Variants in MED12L observed in about 807,000 individuals in gnomAD.
The protein encoded by MED12L is mediator complex subunit 12L, also known as mediator of RNA polymerase II transcription subunit 12-like protein.
A neutral mutation model predicts 281.3 loss-of-function variants in MED12L; 60 were observed. The ratio of observed to expected loss-of-function variants is 0.21; its 90% CI spans 0.17 to 0.26. MED12L has a LOEUF of 0.26. MED12L is among the 10% of genes least tolerant of loss of function. The pLI is 1.00. For missense variants in MED12L, 2,146 were observed against 2,680.9 expected, an observed-to-expected ratio of 0.80 and a Z score of 4.41; for synonymous variants, 974 against 987.2, an observed-to-expected ratio of 0.99 and a Z score of 0.25.
intron 16 of MED12L, among the ~76,000 whole-genome samples, chr3:151,310,552 G>A (rs1005044207): frequency 1.3e-5 from 2 of 152,166 alleles, no homozygotes; most frequent in Non-Finnish European, 2.9e-5. Flanking sequence ...GGCCAGCTAT[G>A]AATTTATCAA....
intron 5 of MED12L, among the ~76,000 whole-genome samples, chr3:151,135,025 T>C (rs1327767652): frequency 1.3e-5 from 2 of 151,828 alleles, no homozygotes; most frequent in African/African-American, 4.9e-5. Context: ...ACAGTACTTA[T>C]TTATTTATTT....
chr3:151,231,200 G>A (rs1731596708), intron 16 of MED12L, among the ~76,000 whole-genome samples: 1 of 152,208 alleles, frequency 6.6e-6, no homozygotes, highest in Non-Finnish European at 1.5e-5. Context: ...GGAGAATGCT[G>A]GCTAGTAAAG....
chr3:151,374,639 T>G (rs1268668057), intron 27 of MED12L, among the ~76,000 whole-genome samples: 1 of 152,214 alleles, frequency 6.6e-6, no homozygotes, highest in African/African-American at 2.4e-5. Flanking sequence ...TGTTTGCAAT[T>G]CCATTTTCTC....
chr3:151,189,910 C>G (rs1723747625), intron 13 of MED12L, among the ~76,000 whole-genome samples: 2 of 152,072 alleles, frequency 1.3e-5, no homozygotes, highest in African/African-American at 4.8e-5. Flanking sequence ...TCTTTTTATT[C>G]AGTTGTTCCT....
chr3:151,138,371 C>G (rs969237152), intron 5 of MED12L, among the ~76,000 whole-genome samples: 1 of 152,130 alleles, frequency 6.6e-6, no homozygotes, highest in Non-Finnish European at 1.5e-5. Flanking sequence ...TGCATTCTCT[C>G]ACCCTTGCAA....
chr3:151,410,159 A>G (rs576770301), intron 40 of MED12L, among the ~76,000 whole-genome samples: 29 of 152,282 alleles, frequency 1.9e-4, no homozygotes, highest in African/African-American at 6.0e-4. Context: ...AGGACAACCT[A>G]TGGAACAACC....
intron 16 of MED12L, chr3:151,199,181 A>G (rs1425513983): frequency 1.9e-6 from 3 of 1,614,052 alleles, no homozygotes; most frequent in Non-Finnish European, 2.5e-6. Flanking sequence ...AACAATTTTC[A>G]CTGGTAATGC....
chr3:151,427,333 C>T lies in MED12L; in HGVS notation c.6409-2966C>T, dbSNP rs73869065. 7.9e-3 allele frequency among the ~76,000 whole-genome samples: 1,205 copies of T among 152,148 alleles called. 17 individuals are homozygous for T. Among genetic ancestry groups the T allele is most frequent in the African/African-American group, 0.027 (1,130 of 41,498 alleles). On this transcript the variant is annotated intron_variant, in intron 43 of 44. Coordinates refer to ENST00000687756, the MANE Select transcript of MED12L (RefSeq NM_001393769.1). ...GTCTTGGGGACCTCTCCCAGGAATCCCTGGATCACAATTTGAGGCCCTCTG... is the reference window on the plus strand; with the variant it reads ...GTCTTGGGGACCTCTCCCAGGAATCTCTGGATCACAATTTGAGGCCCTCTG...
At chr3:151,252,592 C>T (rs1246047557) in intron 16 of MED12L, among the ~76,000 whole-genome samples, 1 of 152,044 alleles carries the variant, frequency 6.6e-6, no homozygotes, top group African/African-American at 2.4e-5. Context: ...TTTACTTATA[C>T]TTGTGTTTCG....
intron 16 of MED12L, among the ~76,000 whole-genome samples, chr3:151,319,468 C>CGT (rs34335179): frequency 0.2 from 29,696 of 145,446 alleles, 3,468 homozygotes; most frequent in South Asian, 0.28. Flanking sequence ...TGTGTGTGTG[C>CGT]GTGTGTGTGT....
chr3:151,305,748 G>A (rs1054701723), intron 16 of MED12L, among the ~76,000 whole-genome samples: 1 of 151,832 alleles, frequency 6.6e-6, no homozygotes, highest in African/African-American at 2.4e-5. Context: ...GAAGTGGGAG[G>A]GGGGCAGTAT....
At chr3:151,222,051 G>A (rs1322666384) in intron 16 of MED12L, among the ~76,000 whole-genome samples, 1 of 152,224 alleles carries the variant, frequency 6.6e-6, no homozygotes, top group East Asian at 1.9e-4. Context: ...AGTCAAAGGA[G>A]ATCGTTTGGG....
intron 2 of MED12L, among the ~76,000 whole-genome samples, chr3:151,096,002 A>T (rs1720661320): frequency 6.6e-6 from 1 of 152,208 alleles, no homozygotes; most frequent in Non-Finnish European, 1.5e-5. Context: ...CTGTCTGATA[A>T]AAGTACAGGC....
chr3:151,398,133 A>G (rs1715220483), intron 39 of MED12L, among the ~76,000 whole-genome samples: 2 of 152,214 alleles, frequency 1.3e-5, no homozygotes, highest in South Asian at 2.1e-4. Context: ...CCAGGAGCCT[A>G]AAGTTTCTTA....
At chr3:151,140,974 T>A (rs1716848670) in intron 5 of MED12L, among the ~76,000 whole-genome samples, 1 of 151,910 alleles carries the variant, frequency 6.6e-6, no homozygotes, top group Non-Finnish European at 1.5e-5. Context: ...TTCACGCCAT[T>A]CTCCTGCCTC....
intron 16 of MED12L, among the ~76,000 whole-genome samples, chr3:151,195,711 A>G (rs553855700): frequency 9.2e-5 from 14 of 152,318 alleles, no homozygotes; most frequent in Middle Eastern, 3.4e-3. Context: ...AAGGGAGACA[A>G]TATTAACGTC....
intron 16 of MED12L, among the ~76,000 whole-genome samples, chr3:151,208,280 T>G (rs538145218): frequency 6.6e-6 from 1 of 152,320 alleles, no homozygotes; most frequent in East Asian, 1.9e-4. Flanking sequence ...ATGCAGTCAA[T>G]ATGATATCAG....
chr3:151,193,725 G>A (rs1198145556), intron 16 of MED12L, 59 bp downstream of exon 16: 1 of 1,400,882 alleles, frequency 7.1e-7, no homozygotes, highest in South Asian at 1.3e-5. Flanking sequence ...ATCAATAACT[G>A]TTGAACGTCA....
chr3:151,211,674 T>G (rs6440723), intron 16 of MED12L, among the ~76,000 whole-genome samples: 8,591 of 152,250 alleles, frequency 0.056, 729 homozygotes, highest in African/African-American at 0.18. Flanking sequence ...TTGACATAGG[T>G]TCTTGCTCTG....
Sources: allele counts gnomAD v4.1 joint callset (sites outside exome capture counted in the v4.1 genomes callset), GRCh38; gene constraint gnomAD v4.1.1; transcripts MANE v1.5; gene names NCBI Gene and HGNC (gene_info 2026-07-23, HGNC 2026-07-21).